Variants in CARS1 observed in about 807,000 individuals in gnomAD.
CARS1 encodes the protein cysteinyl-tRNA synthetase 1, also known as cysteine--tRNA ligase, cytoplasmic.
CARS1 carries 48 observed loss-of-function variants against 106.2 expected under a neutral mutation model. That is an observed-to-expected ratio of 0.45 (90% CI 0.36 to 0.57). The LOEUF (loss-of-function observed/expected upper bound fraction) is 0.57, where lower values mean the gene tolerates loss of function less well. Ranked by LOEUF, CARS1 falls within the 20% of genes least tolerant of loss-of-function variation. CARS1 has a pLI of 0.00. For missense variants in CARS1, 968 were observed against 1,057.2 expected (o/e 0.92, Z 1.17); for synonymous variants, 409 against 403.4 (o/e 1.01, Z -0.17).
rs966740398 is a variant in CARS1 at position 3,037,521 on chromosome 11, G to C, written c.801+529C>G. On this transcript the variant is annotated intron_variant, in intron 7 of 22. Coordinates refer to ENST00000380525, the MANE Select transcript of CARS1 (RefSeq NM_001014437.3). The surrounding 1 kb of genome is among the most constrained non-coding windows in gnomAD (Gnocchi z 5.9). ...CTGTGTCCAGGGCGCCAGCCACAGG[G>C]AAAGGCCTGAGGAAGAGGGCAGGGT... 6.6e-6 allele frequency among the ~76,000 whole-genome samples: 1 copy of C among 152,240 alleles called. No homozygotes were observed. The highest frequency in any genetic ancestry group is 1.5e-5 in the Non-Finnish European group (1 of 68,036).
At position 3,022,624 on chromosome 11, in the gene CARS1, G is replaced by A. The variant is rs187929668; in HGVS notation, c.1154-2292C>T. On this transcript the variant is annotated intron_variant, in intron 10 of 22. Transcript: ENST00000380525. The surrounding 1 kb of genome is among the most constrained non-coding windows in gnomAD (Gnocchi z 4.9). ...TTCATTTCCTGTCTCTCTCCCCAGAGGCAGAGTGAGTGTTTCTAGCTTTGA... is the reference window on the plus strand; with the variant it reads ...TTCATTTCCTGTCTCTCTCCCCAGAAGCAGAGTGAGTGTTTCTAGCTTTGA... Among the ~76,000 whole-genome samples, 248 of 152,314 alleles carry A rather than the reference G, an allele frequency of 1.6e-3. 3 individuals are homozygous for A. The highest frequency in any genetic ancestry group is 5.6e-3 in the African/African-American group (234 of 41,574).
At chr11:3,051,098 T>C (rs2134310658) in intron 1 of CARS1, among the ~76,000 whole-genome samples, 1 of 152,304 alleles carries the variant, frequency 6.6e-6, no homozygotes, top group East Asian at 1.9e-4. Flanking sequence ...TGCACCCTTC[T>C]CAGAAAGACA....
At chr11:3,027,268 G>C (rs1455680498) in intron 9 of CARS1, 1 of 153,618 alleles carries the variant, frequency 6.5e-6, no homozygotes. Flanking sequence ...ACAGTAGTTT[G>C]TGTGAAGTGG....
Position 3,017,704 on chromosome 11 carries a change from A to T in CARS1, c.1727+153T>A. 3.3e-6 allele frequency: 2 copies of T among 613,362 alleles called. No individual in the cohort carries two copies. The highest frequency in any genetic ancestry group is 2.0e-5 in the South Asian group (1 of 49,026). The allele number at this position is 613,362 out of a possible 1,614,324, so 38.0% of individuals were successfully genotyped here. A position where few individuals can be genotyped will look rare whatever the true frequency, so the allele number is the denominator to read the frequency against. ...TTCAACACCCAGAGCAGCTCCCATT[A>T]GCAGAGCCGCCTATCCTGAATTAAT... On this transcript the variant is annotated intron_variant, in intron 15 of 22. Coordinates refer to ENST00000380525, the MANE Select transcript of CARS1 (RefSeq NM_001014437.3). This position sits in a 1 kb window ranked among gnomAD's most constrained non-coding sequence, Gnocchi z 4.9.
chr11:3,020,185 G>A lies in CARS1; in HGVS notation c.1266+35C>T. ...GAGTGTGGCTGGCGCCAGTGCCCCTGTCCAAGCCCCACACCTTCTAGGCCA... is the reference window on the plus strand; with the variant it reads ...GAGTGTGGCTGGCGCCAGTGCCCCTATCCAAGCCCCACACCTTCTAGGCCA... On this transcript the variant is annotated intron_variant, in intron 11 of 22. Coordinates refer to ENST00000380525, the MANE Select transcript of CARS1 (RefSeq NM_001014437.3). The surrounding 1 kb of genome is among the most constrained non-coding windows in gnomAD (Gnocchi z 4.6). The A allele has an allele frequency of 7.7e-7, 1 of 1,302,548 alleles. No homozygotes were observed. The highest frequency in any genetic ancestry group is 1.1e-6 in the Non-Finnish European group (1 of 895,834). 80.7% of individuals were successfully genotyped at this position (1,302,548 alleles called of 1,614,324 possible). A position where few individuals can be genotyped will look rare whatever the true frequency, so the allele number is the denominator to read the frequency against.
chr11:3,019,118 G>T lies in CARS1; in HGVS notation c.1395+21C>A. On this transcript the variant is annotated intron_variant, in intron 12 of 22. Coordinates refer to ENST00000380525, the MANE Select transcript of CARS1 (RefSeq NM_001014437.3). The surrounding 1 kb of genome is among the most constrained non-coding windows in gnomAD (Gnocchi z 6.2). ...AACACTGTGCTCTTGCACCTGACAA[G>T]GGGACTCTGTTTTCACCTACCTCCG... The T allele has an allele frequency of 6.7e-7, 1 of 1,502,324 alleles. No homozygotes were observed. Among genetic ancestry groups the T allele is most frequent in the African/African-American group, 1.4e-5 (1 of 70,892 alleles). The allele number at this position is 1,502,324 out of a possible 1,614,324, so 93.1% of individuals were successfully genotyped here.
intron 9 of CARS1, chr11:3,027,268 G>T (rs1455680498): frequency 1.3e-5 from 2 of 153,736 alleles, no homozygotes; most frequent in African/African-American, 4.8e-5. Context: ...ACAGTAGTTT[G>T]TGTGAAGTGG....
chr11:3,048,124 C>T lies in CARS1; in HGVS notation c.26-123G>A, dbSNP rs942294347. The T allele has an allele frequency of 2.4e-5, 29 of 1,209,286 alleles. No homozygotes were observed. The highest frequency in any genetic ancestry group is 6.1e-5 in the South Asian group (4 of 65,278). 74.9% of individuals were successfully genotyped at this position (1,209,286 alleles called of 1,614,324 possible). On this transcript the variant is annotated intron_variant, in intron 1 of 22. Coordinates refer to ENST00000380525, the MANE Select transcript of CARS1 (RefSeq NM_001014437.3). The surrounding 1 kb of genome is among the most constrained non-coding windows in gnomAD (Gnocchi z 5.1). ...AAAGGTGTTCAAGCCCTTCCCTGGACGCCAAACATCCAGAACAGGCAAAGG... is the reference window on the plus strand; with the variant it reads ...AAAGGTGTTCAAGCCCTTCCCTGGATGCCAAACATCCAGAACAGGCAAAGG...
In CARS1 at chr11:3,037,941, T is replaced by G; in HGVS notation, c.801+109A>C. ...CAGTGGAGCTACTGGAGACACAGAG[T>G]GTCTTCCACTAAGACAATCTGTGGA... On this transcript the variant is annotated intron_variant, in intron 7 of 22. Coordinates refer to ENST00000380525, the MANE Select transcript of CARS1 (RefSeq NM_001014437.3). The surrounding 1 kb of genome is among the most constrained non-coding windows in gnomAD (Gnocchi z 5.9). 1 of 1,120,584 alleles carries G rather than the reference T, an allele frequency of 8.9e-7. No individual in the cohort carries two copies. The highest frequency in any genetic ancestry group is 2.4e-5 in the East Asian group (1 of 40,954). 69.4% of individuals were successfully genotyped at this position (1,120,584 alleles called of 1,614,324 possible). A position where few individuals can be genotyped will look rare whatever the true frequency, so the allele number is the denominator to read the frequency against.
chr11:3,017,501 G>C lies in CARS1; in HGVS notation c.1728-206C>G. 2 of 582,212 alleles carry C rather than the reference G, an allele frequency of 3.4e-6. No individual in the cohort carries two copies. The highest frequency in any genetic ancestry group is 6.1e-6 in the Non-Finnish European group (2 of 327,394). The allele number at this position is 582,212 out of a possible 1,614,324, so 36.1% of individuals were successfully genotyped here. A position where few individuals can be genotyped will look rare whatever the true frequency, so the allele number is the denominator to read the frequency against. Reference sequence around the variant, plus strand: ...TCTACTAAAAATCTGAAATTAGCCAGGTATGGTGGCGCATGCCTGTAACCC... The same window carrying C: ...TCTACTAAAAATCTGAAATTAGCCACGTATGGTGGCGCATGCCTGTAACCC... On this transcript the variant is annotated intron_variant, in intron 15 of 22. Coordinates refer to ENST00000380525, the MANE Select transcript of CARS1 (RefSeq NM_001014437.3). The surrounding 1 kb of genome is among the most constrained non-coding windows in gnomAD (Gnocchi z 4.9).
Position 3,044,692 on chromosome 11 carries a change from G to A in CARS1, c.275-2436C>T, listed in dbSNP as rs1177287394. Among the ~76,000 whole-genome samples the A allele has an allele frequency of 1.3e-5, 2 of 152,136 alleles. No homozygotes were observed. Among genetic ancestry groups the A allele is most frequent in the Non-Finnish European group, 2.9e-5 (2 of 68,026 alleles). The stretch of plus-strand genomic sequence containing the variant: ...TTACAGGTGTGAGCCACCGCGCCTG[G>A]CCTGTGCTTTTGTTTCTTTGGAAAA... On this transcript the variant is annotated intron_variant, in intron 2 of 22. Transcript: ENST00000380525. This position sits in a 1 kb window ranked among gnomAD's most constrained non-coding sequence, Gnocchi z 4.4.
At chr11:3,005,286 AAAAGT>A in intron 20 of CARS1, 75 bp downstream of exon 20, 1 of 1,111,048 alleles carries the variant, frequency 9.0e-7, no homozygotes, top group Admixed American at 2.0e-5. Context: ...TCAATGCTTA[AAAAGT>A]AAACTATGTA....
intron 19 of CARS1, among the ~76,000 whole-genome samples, chr11:3,006,400 C>T (rs1043318668): frequency 3.3e-5 from 5 of 152,320 alleles, no homozygotes; most frequent in East Asian, 3.9e-4. Flanking sequence ...GAGCCGAGAT[C>T]GCGCCACTGT....
At chr11:3,049,565 T>C (rs920274224) in intron 1 of CARS1, among the ~76,000 whole-genome samples, 1 of 152,140 alleles carries the variant, frequency 6.6e-6, no homozygotes, top group Non-Finnish European at 1.5e-5. Context: ...GAACCAGTGA[T>C]TGTGTTTGCT....
intron 10 of CARS1, among the ~76,000 whole-genome samples, chr11:3,025,390 G>A (rs1851947952): frequency 6.6e-6 from 1 of 152,096 alleles, no homozygotes; most frequent in Non-Finnish European, 1.5e-5. Context: ...ACCACACCTG[G>A]CTAATTTGTG....
chr11:3,022,685 C>G lies in CARS1; in HGVS notation c.1154-2353G>C, dbSNP rs1430331781. On this transcript the variant is annotated intron_variant, in intron 10 of 22. Transcript: ENST00000380525. This position sits in a 1 kb window ranked among gnomAD's most constrained non-coding sequence, Gnocchi z 4.9. ...ATGTTCATACCAGCACAACAGGGTCCTGTTCTCTCCCACTGGGGGAGCTTC... is the reference window on the plus strand; with the variant it reads ...ATGTTCATACCAGCACAACAGGGTCGTGTTCTCTCCCACTGGGGGAGCTTC... Among the ~76,000 whole-genome samples the G allele has an allele frequency of 6.6e-6, 1 of 152,234 alleles. No homozygotes were observed. Among genetic ancestry groups the G allele is most frequent in the African/African-American group, 2.4e-5 (1 of 41,462 alleles).
At chr11:3,026,923 G>C (rs553153310) in intron 9 of CARS1, 126 bp from the exon 10 acceptor site, 13 of 1,038,816 alleles carry the variant, frequency 1.3e-5, no homozygotes, top group East Asian at 2.5e-5. Context: ...TACTCTCTGT[G>C]GTGGCCACTG....
rs1349894983 is a variant in CARS1 at position 3,055,642 on chromosome 11, A to AC, written c.25+1700_25+1701insG. Among the ~76,000 whole-genome samples the AC allele has an allele frequency of 4.6e-5, 7 of 152,366 alleles. 1 individual carries two copies. The highest frequency in any genetic ancestry group is 1.7e-4 in the African/African-American group (7 of 41,580). On this transcript the variant is annotated intron_variant, in intron 1 of 22. Coordinates refer to ENST00000380525, the MANE Select transcript of CARS1 (RefSeq NM_001014437.3). ...CCCAACCTATATGGCAAGCTCCAAAAAGAAGGCAATTCTTACAAGGCTCTG... is the reference window on the plus strand; with the variant it reads ...CCCAACCTATATGGCAAGCTCCAAAACAGAAGGCAATTCTTACAAGGCTCTG...
rs944810086 is a variant in CARS1, at chr11:3,003,023, C to T, written c.2218-423G>A. Reference sequence around the variant, plus strand: ...TGGGGTACCTGGGAAGGAGCAAGAGCGCCAGGGCAGGATGGGGATGGTGGG... The same window carrying T: ...TGGGGTACCTGGGAAGGAGCAAGAGTGCCAGGGCAGGATGGGGATGGTGGG... On this transcript the variant is annotated intron_variant, in intron 20 of 22. Transcript: ENST00000380525. This position sits in a 1 kb window ranked among gnomAD's most constrained non-coding sequence, Gnocchi z 4.8. 4.6e-5 allele frequency among the ~76,000 whole-genome samples: 7 copies of T among 152,120 alleles called. No homozygotes were observed. The highest frequency in any genetic ancestry group is 7.2e-5 in the African/African-American group (3 of 41,428).
Sources: allele counts gnomAD v4.1 joint callset (sites outside exome capture counted in the v4.1 genomes callset), GRCh38; gene constraint gnomAD v4.1.1; non-coding constraint Gnocchi (gnomAD v3.1); transcripts MANE v1.5; gene names NCBI Gene and HGNC (gene_info 2026-07-23, HGNC 2026-07-21).